The following SAMMSON variants were observed in gnomAD, a reference collection of about 807,000 sequenced individuals.
SAMMSON encodes the protein survival associated mitochondrial melanoma specific oncogenic non-coding RNA, also known as long intergenic non-protein coding RNA 1212.
At chr3:70,040,116 A>G (rs1299664185) in intron 3 of SAMMSON, among the ~76,000 whole-genome samples, 3 of 152,258 alleles carry the variant, frequency 2.0e-5, no homozygotes, top group Middle Eastern at 3.4e-3. Flanking sequence ...ACATTTGCAC[A>G]TGTAACTTAA....
At chr3:70,385,512 A>G (rs780196219) in intron 9 of SAMMSON, among the ~76,000 whole-genome samples, 2 of 152,064 alleles carry the variant, frequency 1.3e-5, no homozygotes, top group African/African-American at 2.4e-5. Flanking sequence ...CGGGTTACAT[A>G]CAGCACTCTG....
intron 4 of SAMMSON, among the ~76,000 whole-genome samples, chr3:70,072,892 G>A (rs1285096628): frequency 6.6e-6 from 1 of 152,076 alleles, no homozygotes; most frequent in South Asian, 2.1e-4. Context: ...ATGAAGTAGG[G>A]CAATAGTCCT....
chr3:70,397,944 G>A (rs1701105568), intron 2 of SAMMSON, among the ~76,000 whole-genome samples: 1 of 151,986 alleles, frequency 6.6e-6, no homozygotes, highest in African/African-American at 2.4e-5. Context: ...TAACATCCTA[G>A]CAAATATTAA....
rs1157606808 is a variant in SAMMSON, at chr3:70,134,087, C to CAA, written n.507+62544_507+62545dup. ...TGAAACCCCGTCTCTACTGAAAATA[C>CAA]AAAAAAAAAAAAAAAAAAAAAAATT... On this transcript the variant is annotated intron_variant and non_coding_transcript_variant, in intron 4 of 9. Transcript: ENST00000642114. Among the ~76,000 whole-genome samples the CAA allele has an allele frequency of 5.1e-3, 309 of 60,498 alleles. 1 individual carries two copies. The highest frequency in any genetic ancestry group is 0.022 in the Middle Eastern group (2 of 92). The allele number at this position is 60,498 out of a possible 152,430, so 39.7% of individuals were successfully genotyped here. A position where few individuals can be genotyped will look rare whatever the true frequency, so the allele number is the denominator to read the frequency against.
chr3:70,026,902 C>T (rs1475429626), intron 3 of SAMMSON, among the ~76,000 whole-genome samples: 32 of 152,118 alleles, frequency 2.1e-4, no homozygotes, highest in Admixed American at 2.0e-3. Context: ...GAAGCATCCC[C>T]GGATGGTGGA....
intron 4 of SAMMSON, among the ~76,000 whole-genome samples, chr3:70,098,411 A>G (rs2067330727): frequency 6.6e-6 from 1 of 151,508 alleles, no homozygotes; most frequent in Non-Finnish European, 1.5e-5. Flanking sequence ...TCTCTCTCCC[A>G]GGCTGGAGTG....
chr3:70,225,222 T>A (rs1701492268), intron 4 of SAMMSON, among the ~76,000 whole-genome samples: 1 of 152,174 alleles, frequency 6.6e-6, no homozygotes, highest in Admixed American at 6.5e-5. Context: ...AAGAGAAATG[T>A]ATAATACTGA....
intron 4 of SAMMSON, among the ~76,000 whole-genome samples, chr3:70,093,087 C>T (rs905920422): frequency 6.6e-6 from 1 of 151,878 alleles, no homozygotes; most frequent in Non-Finnish European, 1.5e-5. Flanking sequence ...TATTTCAAAC[C>T]CTTGCTTGTT....
intron 7 of SAMMSON, among the ~76,000 whole-genome samples, chr3:70,306,106 T>TATTC (rs1296343347): frequency 6.6e-6 from 1 of 152,104 alleles, no homozygotes; most frequent in African/African-American, 2.4e-5. Context: ...GGAGTTTATT[T>TATTC]ATTTATTTAT....
chr3:70,282,971 T>C (rs1702104071), intron 6 of SAMMSON, among the ~76,000 whole-genome samples: 1 of 152,094 alleles, frequency 6.6e-6, no homozygotes, highest in South Asian at 2.1e-4. Flanking sequence ...GGCAGGCCTG[T>C]CACTCAGAAT....
chr3:70,271,036 TA>T (rs1185850125), intron 6 of SAMMSON, among the ~76,000 whole-genome samples: 1 of 151,702 alleles, frequency 6.6e-6, no homozygotes, highest in Non-Finnish European at 1.5e-5. Flanking sequence ...AGTATAATAA[TA>T]AAAAAGAAAT....
intron 7 of SAMMSON, among the ~76,000 whole-genome samples, chr3:70,314,454 C>A (rs1702481473): frequency 6.6e-6 from 1 of 152,094 alleles, no homozygotes; most frequent in Admixed American, 6.6e-5. Context: ...TAATCACTGT[C>A]TTTTGGAAAA....
At chr3:70,010,874 C>T (rs574826647) in intron 1 of SAMMSON, among the ~76,000 whole-genome samples, 12 of 152,074 alleles carry the variant, frequency 7.9e-5, no homozygotes, top group African/African-American at 1.4e-4. Context: ...AAATGCCAGA[C>T]GCTTATAAAA....
intron 3 of SAMMSON, among the ~76,000 whole-genome samples, chr3:70,018,692 C>A (rs1251802322): frequency 6.6e-6 from 1 of 152,070 alleles, no homozygotes; most frequent in Admixed American, 6.6e-5. Flanking sequence ...AATTTTAGAT[C>A]TTTCCTGCTT....
chr3:70,252,820 C>T (rs1001542093), intron 6 of SAMMSON, among the ~76,000 whole-genome samples: 1 of 152,144 alleles, frequency 6.6e-6, no homozygotes, highest in Non-Finnish European at 1.5e-5. Flanking sequence ...TGGCTCATGC[C>T]TGTAATCCCA....
chr3:70,274,076 TGTGTGTGTGTGTGTGC>T (rs1045026773), intron 6 of SAMMSON, among the ~76,000 whole-genome samples: 5 of 149,016 alleles, frequency 3.4e-5, no homozygotes, highest in African/African-American at 4.9e-5. Flanking sequence ...TGTGTGTGTG[TGTGTGTGTGTGTGTGC>T]GCGCGCGCAT....
chr3:70,133,360 T>A (rs1024899953), intron 4 of SAMMSON, among the ~76,000 whole-genome samples: 3 of 152,190 alleles, frequency 2.0e-5, no homozygotes, highest in African/African-American at 7.2e-5. Flanking sequence ...ACATGCAGGA[T>A]GACCTGCTGG....
chr3:70,173,694 A>G (rs1700980406), intron 4 of SAMMSON, among the ~76,000 whole-genome samples: 2 of 151,930 alleles, frequency 1.3e-5, no homozygotes, highest in Admixed American at 1.3e-4. Flanking sequence ...GACAAAAATA[A>G]GTACTTTTTT....
chr3:70,184,737 T>G (rs560654412), intron 4 of SAMMSON, among the ~76,000 whole-genome samples: 1 of 152,322 alleles, frequency 6.6e-6, no homozygotes, highest in Non-Finnish European at 1.5e-5. Flanking sequence ...TGCCAGCCCT[T>G]GCTAGACTAA....
Sources: allele counts gnomAD v4.1 joint callset (sites outside exome capture counted in the v4.1 genomes callset), GRCh38; gene constraint gnomAD v4.1.1; transcripts MANE v1.5; gene names NCBI Gene and HGNC (gene_info 2026-07-23, HGNC 2026-07-21).